TRIP11: variants seen among roughly 807,000 people sequenced by gnomAD.
TRIP11 encodes the protein thyroid hormone receptor interactor 11.
Under a neutral mutation model 223.1 loss-of-function variants are expected in TRIP11, and 148 were observed. The observed-to-expected ratio is 0.66, with a 90% confidence interval of 0.58 to 0.76. The LOEUF is 0.76. Ranked by LOEUF, TRIP11 falls within the 30% of genes least tolerant of loss-of-function variation. The pLI, the probability that TRIP11 is intolerant of heterozygous loss-of-function variation, is 0.00. For missense variants in TRIP11, 2,043 were observed against 2,222.0 expected (o/e 0.92, Z 1.62); for synonymous variants, 762 against 772.6 (o/e 0.99, Z 0.23).
chr14:92,002,783 G>A (rs1007179954), intron 11 of TRIP11, among the ~76,000 whole-genome samples: 1 of 151,894 alleles, frequency 6.6e-6, no homozygotes, highest in African/African-American at 2.4e-5. Flanking sequence ...GTTTCACTAT[G>A]TTGGTCAGGC....
chr14:91,976,200 A>G lies in TRIP11; in HGVS notation c.5261-11T>C, dbSNP rs774542783. 4.3e-6 allele frequency: 7 copies of G among 1,609,628 alleles called. No individual in the cohort carries two copies. Among genetic ancestry groups the G allele is most frequent in the Non-Finnish European group, 5.9e-6 (7 of 1,178,316 alleles). On this transcript the variant is annotated splice_polypyrimidine_tract_variant and intron_variant, in intron 16 of 20. Transcript: ENST00000267622. Reference sequence around the variant, plus strand: ...CTTGTCGGAGCTCATCTGTTGTAAAATATGTGAATAAAGATAGCCATTAAC... The same window carrying G: ...CTTGTCGGAGCTCATCTGTTGTAAAGTATGTGAATAAAGATAGCCATTAAC...
chr14:92,038,199 C>T (rs1595418642), intron 1 of TRIP11, among the ~76,000 whole-genome samples: 1 of 152,240 alleles, frequency 6.6e-6, no homozygotes, highest in East Asian at 1.9e-4. Flanking sequence ...GAGAAAACAG[C>T]ACATTTGGCA....
At chr14:92,016,333 G>A (rs140471159) in intron 5 of TRIP11, among the ~76,000 whole-genome samples, 375 of 152,198 alleles carry the variant, frequency 2.5e-3, no homozygotes, top group South Asian at 8.1e-3. Flanking sequence ...TGTGTCTCTC[G>A]CAGGAACCTG....
At chr14:92,024,721 A>G (rs2057159983) in intron 3 of TRIP11, among the ~76,000 whole-genome samples, 1 of 152,230 alleles carries the variant, frequency 6.6e-6, no homozygotes, top group Non-Finnish European at 1.5e-5. Context: ...ATTCAATGTA[A>G]GTATTTATTG....
intron 9 of TRIP11, among the ~76,000 whole-genome samples, chr14:92,009,473 A>AC (rs2140123503): frequency 6.6e-6 from 1 of 152,344 alleles, no homozygotes; most frequent in East Asian, 1.9e-4. Context: ...TGAAAAGGTT[A>AC]CAGGCCCTGC....
Position 92,011,955 on chromosome 14 carries a change from C to T in TRIP11, c.1187-160G>A, listed in dbSNP as rs149745965. 1.8e-3 allele frequency among the ~76,000 whole-genome samples: 281 copies of T among 152,218 alleles called. 1 individual carries two copies. The highest frequency in any genetic ancestry group is 6.5e-3 in the African/African-American group (270 of 41,510). The stretch of plus-strand genomic sequence containing the variant: ...ACATATATTTGTATTCCTGTTTTGT[C>T]ATATCAAATAAATCATAATGTAAAT... On this transcript the variant is annotated intron_variant, in intron 7 of 20. Coordinates refer to ENST00000267622, the MANE Select transcript of TRIP11 (RefSeq NM_004239.4).
chr14:92,012,743 T>G (rs947816329), intron 7 of TRIP11, among the ~76,000 whole-genome samples: 5 of 152,018 alleles, frequency 3.3e-5, no homozygotes, highest in Non-Finnish European at 5.9e-5. Flanking sequence ...TGGTTCAAGT[T>G]TAGAATGTCA....
chr14:91,972,565 A>C, intron 20 of TRIP11, 152 bp downstream of exon 20: 1 of 694,746 alleles, frequency 1.4e-6, no homozygotes, highest in Non-Finnish European at 2.3e-6. Context: ...CTGATGCCTT[A>C]TTGGAAAAGC....
intron 15 of TRIP11, among the ~76,000 whole-genome samples, chr14:91,991,705 G>T (rs145336604): frequency 6.6e-6 from 1 of 152,222 alleles, no homozygotes; most frequent in Non-Finnish European, 1.5e-5. Context: ...AATGCATACA[G>T]AAGTGAAAAT....
In TRIP11 at chr14:92,004,507, C is replaced by G. The variant is rs1169949562; in HGVS notation, c.3469G>C (p.Glu1157Gln). ...FESSGQDMFR[E>Q]TIQNLSRIIR... Reference sequence around the variant, plus strand: ...ATACGTGATAAATTCTGAATAGTTTCTCTAAACATATCTTGGCCACTACTT... The same window carrying G: ...ATACGTGATAAATTCTGAATAGTTTGTCTAAACATATCTTGGCCACTACTT... Residue 1157 changes from glutamate to glutamine, a missense_variant, in exon 11 of 21, where the codon GAA becomes CAA. Coordinates refer to ENST00000267622, the MANE Select transcript of TRIP11 (RefSeq NM_004239.4). 1 of 1,613,190 alleles carries G rather than the reference C, an allele frequency of 6.2e-7. No homozygotes were observed. The highest frequency in any genetic ancestry group is 8.5e-7 in the Non-Finnish European group (1 of 1,179,996).
Position 92,004,569 on chromosome 14 carries a change from A to G in TRIP11, c.3407T>C (p.Leu1136Pro). 1.2e-6 allele frequency: 2 copies of G among 1,613,840 alleles called. No individual in the cohort carries two copies. The highest frequency in any genetic ancestry group is 4.5e-5 in the East Asian group (2 of 44,862). ...GGACAATTTTTTATTTTCATCTTGC[A>G]GTTTGATAAGAGCTGCTTCCTTGGC... ...VAAKEAALIK[L>P]QDENKKLSTR... The change falls in exon 11 of 21, where the codon CTG becomes CCG. Residue 1136 changes from leucine to proline, a missense_variant. Physicochemically the swap from Leu to Pro is moderately conservative, Grantham distance 98. Coordinates refer to ENST00000267622, the MANE Select transcript of TRIP11 (RefSeq NM_004239.4).
rs1178042413 is a variant in TRIP11 at position 92,005,599 on chromosome 14, T to C, written c.2377A>G (p.Lys793Glu). 37 of 1,613,516 alleles carry C rather than the reference T, an allele frequency of 2.3e-5. No homozygotes were observed. Among genetic ancestry groups the C allele is most frequent in the Non-Finnish European group, 2.8e-5 (33 of 1,179,968 alleles). ...TCTAAACTAGATGACAAAACGTCCT[T>C]AGTTTCTTTATGGTCAGTATCCATT... ...EQMDTDHKET[K>E]DVLSSSLEEQ... Residue 793 changes from lysine to glutamate, a missense_variant, in exon 11 of 21, where the codon AAG becomes GAG. Lys to Glu is a moderately conservative substitution (Grantham distance 56). Transcript: ENST00000267622.
rs750319226 is a variant in TRIP11, at chr14:91,969,879, T to C, written c.5734A>G (p.Arg1912Gly). The C allele has an allele frequency of 3.1e-6, 5 of 1,613,888 alleles. No individual in the cohort carries two copies. Among genetic ancestry groups the C allele is most frequent in the South Asian group, 1.1e-5 (1 of 91,044 alleles). ...TTTACATCTGTTCTTCTACCAGACC[T>C]GGATTCTGCTGTATCTAAAGAATAA... ...PESFKDTAES[R>G]SGRRTDVNPF... Residue 1912 changes from arginine (R) to glycine (G), a missense_variant, in exon 21 of 21, where the codon AGG becomes GGG. By Grantham distance (125) the Arg-to-Gly change is moderately radical. Coordinates refer to ENST00000267622, the MANE Select transcript of TRIP11 (RefSeq NM_004239.4).
intron 15 of TRIP11, among the ~76,000 whole-genome samples, chr14:91,993,190 T>G (rs1194516524): frequency 1.3e-5 from 2 of 151,020 alleles, no homozygotes; most frequent in African/African-American, 4.9e-5. Context: ...AAAAAGAAAA[T>G]TACACGCCAG....
At chr14:92,012,956 G>T (rs1335499493) in intron 7 of TRIP11, among the ~76,000 whole-genome samples, 1 of 152,170 alleles carries the variant, frequency 6.6e-6, no homozygotes, top group Non-Finnish European at 1.5e-5. Flanking sequence ...AGGAATCATG[G>T]AGAACAGAGA....
intron 11 of TRIP11, among the ~76,000 whole-genome samples, chr14:92,001,378 T>G (rs945557120): frequency 6.7e-6 from 1 of 148,718 alleles, no homozygotes; most frequent in African/African-American, 2.5e-5. Context: ...GTTTTTCAGT[T>G]TTTTTTTTTT....
chr14:92,024,729 T>C (rs550227100), intron 3 of TRIP11, among the ~76,000 whole-genome samples: 6 of 152,304 alleles, frequency 3.9e-5, no homozygotes, highest in South Asian at 2.1e-4. Flanking sequence ...TAAGTATTTA[T>C]TGGGGGCCAC....
At chr14:91,989,272 C>T (rs1041575993) in intron 15 of TRIP11, among the ~76,000 whole-genome samples, 2 of 152,020 alleles carry the variant, frequency 1.3e-5, no homozygotes, top group Admixed American at 6.6e-5. Context: ...GTTGAAAATC[C>T]CTGCTTTAAT....
rs1347154320 is a variant in TRIP11, at chr14:92,005,985, A to C, written c.1991T>G (p.Leu664Arg). ...LKQNLSELEQ[L>R]NENLKKVAFD... ...AGCAACTTTCTTTAAATTTTCATTG[A>C]GCTGTTCTAATTCTGAAAGATTTTG... The change falls in exon 11 of 21, where the codon CTC becomes CGC. Residue 664 changes from leucine to arginine, a missense_variant. Coordinates refer to ENST00000267622, the MANE Select transcript of TRIP11 (RefSeq NM_004239.4). 6.2e-7 allele frequency: 1 copy of C among 1,611,084 alleles called. No individual in the cohort carries two copies. The highest frequency in any genetic ancestry group is 1.7e-5 in the Admixed American group (1 of 59,424).
Sources: gnomAD v4.1 joint callset for allele counts (sites outside exome capture counted in the v4.1 genomes callset) on GRCh38, gnomAD v4.1.1 for gene constraint, MANE v1.5 for transcripts, NCBI Gene and HGNC (gene_info 2026-07-23, HGNC 2026-07-21) for gene names.